Variants in MRE11 observed in about 807,000 individuals in gnomAD.
MRE11 encodes double-strand break repair protein MRE11.
MRE11 carries 62 observed loss-of-function variants against 91.7 expected under a neutral mutation model. The observed-to-expected ratio is 0.68, with a 90% CI of 0.55 to 0.84. The LOEUF (loss-of-function observed/expected upper bound fraction) is 0.84, where lower values mean the gene tolerates loss of function less well. Ranked by LOEUF, MRE11 falls within the 40% of genes least tolerant of loss-of-function variation. The pLI is 0.00. For synonymous variants in MRE11, 273 were observed against 271.4 expected (o/e 1.01, Z -0.06); for missense variants, 796 against 852.9 (o/e 0.93, Z 0.83).
At chr11:94,452,833 T>C (rs1313897677) in intron 14 of MRE11, among the ~76,000 whole-genome samples, 1 of 152,138 alleles carries the variant, frequency 6.6e-6, no homozygotes, top group Non-Finnish European at 1.5e-5. Flanking sequence ...TGTGGTGAAA[T>C]ATACATAACA....
intron 19 of MRE11, among the ~76,000 whole-genome samples, chr11:94,421,695 A>G (rs1002349985): frequency 2.0e-5 from 3 of 152,218 alleles, no homozygotes; most frequent in Non-Finnish European, 4.4e-5. Flanking sequence ...CAGCTTAAAT[A>G]CAGGGAACAT....
At chr11:94,493,914 A>C (rs1947366593), upstream of MRE11, 1 of 152,218 alleles carries the variant, frequency 6.6e-6, no homozygotes, top group Non-Finnish European at 1.5e-5. Flanking sequence ...TGGCTACCGC[A>C]CGCAGTGAGG....
chr11:94,450,345 T>C (rs1424248429), intron 14 of MRE11, among the ~76,000 whole-genome samples: 1 of 152,196 alleles, frequency 6.6e-6, no homozygotes, highest in Admixed American at 6.6e-5. Flanking sequence ...ACCAGCTGTA[T>C]GCTTTTAGAA....
chr11:94,455,487 C>G (rs537189978), intron 14 of MRE11, among the ~76,000 whole-genome samples: 6 of 151,960 alleles, frequency 3.9e-5, no homozygotes, highest in Admixed American at 3.3e-4. Context: ...CTTTTAAATA[C>G]TAGATAGCAA....
chr11:94,423,850 G>T (rs573259289), intron 19 of MRE11, among the ~76,000 whole-genome samples: 22 of 152,330 alleles, frequency 1.4e-4, no homozygotes, highest in Non-Finnish European at 2.9e-4. Flanking sequence ...GCTGGGGCTG[G>T]CACTCAAGTA....
At chr11:94,465,198 G>C (rs550776372) in intron 10 of MRE11, among the ~76,000 whole-genome samples, 3 of 152,224 alleles carry the variant, frequency 2.0e-5, no homozygotes, top group Admixed American at 2.0e-4. Context: ...ATGACAATAT[G>C]TGCTGTTTTA....
chr11:94,454,988 C>G (rs1946209913), intron 14 of MRE11, among the ~76,000 whole-genome samples: 1 of 152,152 alleles, frequency 6.6e-6, no homozygotes, highest in South Asian at 2.1e-4. Context: ...TAATCTATAG[C>G]TTCTTTTCCT....
At chr11:94,498,586 A>G (rs1406959277), upstream of MRE11, 21 of 1,409,370 alleles carry the variant, frequency 1.5e-5, no homozygotes, top group Non-Finnish European at 2.0e-5. Context: ...TGTGTGTGAG[A>G]TGTATTCCCA....
At chr11:94,490,752 A>G (rs1430822561) in intron 3 of MRE11, 81 bp downstream of exon 3, 2 of 1,541,814 alleles carry the variant, frequency 1.3e-6, no homozygotes, top group Non-Finnish European at 9.0e-7. Context: ...CTTATAAAAC[A>G]AATCTCTAAC....
At chr11:94,466,344 G>A (rs1165197928) in intron 10 of MRE11, among the ~76,000 whole-genome samples, 1 of 152,174 alleles carries the variant, frequency 6.6e-6, no homozygotes, top group Non-Finnish European at 1.5e-5. Flanking sequence ...GGAAACTGGA[G>A]GCAGAGTCCT....
At chr11:94,508,088 G>A in the MRE11 span, among the ~76,000 whole-genome samples, 1 of 152,068 alleles carries the variant, frequency 6.6e-6, no homozygotes, top group Non-Finnish European at 1.5e-5. Context: ...TCCTGCCTCA[G>A]CCTCCCAAGT....
chr11:94,450,487 C>T (rs1332281700), intron 14 of MRE11, among the ~76,000 whole-genome samples: 1 of 152,096 alleles, frequency 6.6e-6, no homozygotes, highest in Non-Finnish European at 1.5e-5. Context: ...TTAGCTGATA[C>T]ATAACAGGGT....
Position 94,455,157 on chromosome 11 carries a change from T to C in MRE11, c.1563+1119A>G, listed in dbSNP as rs1425703084. ...ATTAATATTATAATAATCTAAAATT[T>C]TGATAGGACACAGGATGATAGAAAA... On this transcript the variant is annotated intron_variant, in intron 14 of 19. Coordinates refer to ENST00000323929, the MANE Select transcript of MRE11 (RefSeq NM_005591.4). Among the ~76,000 whole-genome samples the C allele has an allele frequency of 2.6e-5, 4 of 152,142 alleles. No individual in the cohort carries two copies. In the East Asian group the frequency reaches 7.7e-4, roughly 29 times the overall value.
At chr11:94,499,700 A>G in the MRE11 span, 10 of 152,126 alleles carry the variant, frequency 6.6e-5, no homozygotes, top group Non-Finnish European at 1.3e-4. Flanking sequence ...GCAATTTTGC[A>G]TTGTCTATCT....
intron 16 of MRE11, 128 bp from the exon 17 acceptor site, chr11:94,437,363 T>C: frequency 1.3e-6 from 1 of 763,202 alleles, no homozygotes; most frequent in South Asian, 1.9e-5. Flanking sequence ...ATTATAAAAC[T>C]ATTTGATATT....
At chr11:94,507,329 G>A in the MRE11 span, among the ~76,000 whole-genome samples, 61 of 152,098 alleles carry the variant, frequency 4.0e-4, no homozygotes, top group Non-Finnish European at 7.5e-4. Flanking sequence ...GATGTATTCC[G>A]TTATATGAAT....
At chr11:94,507,592 T>C in the MRE11 span, among the ~76,000 whole-genome samples, 1 of 152,198 alleles carries the variant, frequency 6.6e-6, no homozygotes. Flanking sequence ...GCAGCAGAAG[T>C]GAACGTTCCG....
intron 18 of MRE11, among the ~76,000 whole-genome samples, chr11:94,432,677 G>T (rs1945495760): frequency 6.6e-6 from 1 of 152,162 alleles, no homozygotes; most frequent in Non-Finnish European, 1.5e-5. Context: ...CATGGTGGCA[G>T]GGCCTGTAGT....
upstream of MRE11, chr11:94,497,886 T>C: frequency 3.6e-6 from 2 of 555,468 alleles, no homozygotes; most frequent in Non-Finnish European, 6.3e-6. Flanking sequence ...CACTAACTTG[T>C]TCATTCTTAA....
Sources: allele counts gnomAD v4.1 joint callset (sites outside exome capture counted in the v4.1 genomes callset), GRCh38; gene constraint gnomAD v4.1.1; transcripts MANE v1.5; gene names NCBI Gene and HGNC (gene_info 2026-07-23, HGNC 2026-07-21).